Variants in TRIP13 observed in about 807,000 individuals in gnomAD.
The protein encoded by TRIP13 is pachytene checkpoint protein 2 homolog.
TRIP13 carries 25 observed loss-of-function variants against 54.4 expected under a neutral mutation model. That is an observed-to-expected ratio of 0.46 (90% confidence interval 0.33 to 0.64). The LOEUF is 0.64. Among genes scored for constraint, TRIP13 ranks in the 30% least tolerant of loss-of-function variants. The pLI, the probability that TRIP13 is intolerant of heterozygous loss-of-function variation, is 0.02. For missense variants in TRIP13, 373 were observed against 534.2 expected (o/e 0.70, Z 2.97); for synonymous variants, 207 against 207.8 (o/e 1.00, Z 0.03).
intron 5 of TRIP13, among the ~76,000 whole-genome samples, chr5:903,190 T>C (rs1345643284): frequency 6.6e-6 from 1 of 152,042 alleles, no homozygotes; most frequent in African/African-American, 2.4e-5. Context: ...TGTTTTTCCT[T>C]GACACTGACG....
At chr5:910,065 AG>A (rs1409164946) in intron 9 of TRIP13, among the ~76,000 whole-genome samples, 1 of 152,140 alleles carries the variant, frequency 6.6e-6, no homozygotes, top group Non-Finnish European at 1.5e-5. Context: ...CAGGTCCTGG[AG>A]GGGGGCCTCC....
Position 895,565 on chromosome 5 carries a change from T to A in TRIP13, c.258+613T>A, listed in dbSNP as rs534201795. Among the ~76,000 whole-genome samples the A allele has an allele frequency of 1.1e-4, 17 of 152,324 alleles. 1 individual carries two copies. The highest frequency in any genetic ancestry group is 1.0e-3 in the Admixed American group (16 of 15,304). ...GGACAGGCTTGGTACTAAGTTCTGC[T>A]CGTGAGGTGGACCTCCCCATTCATA... On this transcript the variant is annotated intron_variant, in intron 2 of 12. Transcript: ENST00000166345.
rs201469092 is a variant in TRIP13 at position 893,101 on chromosome 5, C to A, written c.92+11C>A. ...TCAGCGCGGCAGCAGGTGAGCCGGA[C>A]CTGTCCGACACATCCTCTGGGCACC... On this transcript the variant is annotated intron_variant, in intron 1 of 12. Transcript: ENST00000166345. The A allele has an allele frequency of 1.2e-4, 184 of 1,581,834 alleles. No individual in the cohort carries two copies. The highest frequency in any genetic ancestry group is 1.5e-4 in the Non-Finnish European group (177 of 1,170,588).
Position 915,539 on chromosome 5 carries a change from A to G in TRIP13, c.1134-365A>G, listed in dbSNP as rs914891443. ...GGTGATGCATTCCCTGAGCGCAAGG[A>G]TGCTGGCCCTGGGGCAGAGGCTCCC... On this transcript the variant is annotated intron_variant, in intron 11 of 12. Coordinates refer to ENST00000166345, the MANE Select transcript of TRIP13 (RefSeq NM_004237.4). The surrounding 1 kb of genome is among the most constrained non-coding windows in gnomAD (Gnocchi z 4.2). Among the ~76,000 whole-genome samples, 51 of 150,076 alleles carry G rather than the reference A, an allele frequency of 3.4e-4. No homozygotes were observed. The highest frequency in any genetic ancestry group is 1.2e-3 in the African/African-American group (50 of 40,592).
At chr5:904,074 G>A in intron 5 of TRIP13, 74 bp from the exon 6 acceptor site, 1 of 1,331,192 alleles carries the variant, frequency 7.5e-7, no homozygotes, top group Non-Finnish European at 1.0e-6. Flanking sequence ...TATGGATAAT[G>A]GAAGTTACTG....
Position 908,324 on chromosome 5 carries a change from C to A in TRIP13, c.760-31C>A, listed in dbSNP as rs1754160525. ...CTGCCTGTGAAGTGCCAGGCCCTGTCCTTTTTGACCCCACTGCTCCCTCCC... is the reference window on the plus strand; with the variant it reads ...CTGCCTGTGAAGTGCCAGGCCCTGTACTTTTTGACCCCACTGCTCCCTCCC... On this transcript the variant is annotated intron_variant, in intron 8 of 12. Transcript: ENST00000166345. This position sits in a 1 kb window ranked among gnomAD's most constrained non-coding sequence, Gnocchi z 5.2. 11 of 1,606,212 alleles carry A rather than the reference C, an allele frequency of 6.8e-6. No homozygotes were observed. The highest frequency in any genetic ancestry group is 9.3e-6 in the Non-Finnish European group (11 of 1,178,854).
downstream of TRIP13, chr5:918,238 C>A (rs1474423638): frequency 6.6e-6 from 1 of 152,188 alleles, no homozygotes; most frequent in African/African-American, 2.4e-5. This position sits in a 1 kb window ranked among gnomAD's most constrained non-coding sequence, Gnocchi z 4.3. Flanking sequence ...AAGGCCAAGG[C>A]ATATGCAGGT....
Position 907,879 on chromosome 5 carries a change from A to T in TRIP13, c.673-109A>T. On this transcript the variant is annotated intron_variant, in intron 7 of 12. Coordinates refer to ENST00000166345, the MANE Select transcript of TRIP13 (RefSeq NM_004237.4). This position sits in a 1 kb window ranked among gnomAD's most constrained non-coding sequence, Gnocchi z 4.1. ...GAGCTTTCTGAGGGGCCGTCAGGAGACAGTGGGCTTGTGGGGACAACTGGG... is the reference window on the plus strand; with the variant it reads ...GAGCTTTCTGAGGGGCCGTCAGGAGTCAGTGGGCTTGTGGGGACAACTGGG... 9.2e-7 allele frequency: 1 copy of T among 1,087,796 alleles called. No homozygotes were observed. Among genetic ancestry groups the T allele is most frequent in the Non-Finnish European group, 1.4e-6 (1 of 713,460 alleles). The allele number at this position is 1,087,796 out of a possible 1,614,324, so 67.4% of individuals were successfully genotyped here.
intron 11 of TRIP13, among the ~76,000 whole-genome samples, chr5:914,858 A>G (rs967036902): frequency 1.3e-5 from 2 of 152,132 alleles, no homozygotes; most frequent in South Asian, 2.1e-4. Context: ...CGACACTTAC[A>G]AGGATTCGCA....
chr5:900,814 G>A (rs1753969579), intron 4 of TRIP13, among the ~76,000 whole-genome samples: 1 of 152,146 alleles, frequency 6.6e-6, no homozygotes, highest in South Asian at 2.1e-4. Context: ...GAGGAGGGAA[G>A]GTGAGCAAGC....
intron 12 of TRIP13, among the ~76,000 whole-genome samples, chr5:916,686 G>C (rs1037930244): frequency 6.6e-6 from 1 of 152,150 alleles, no homozygotes; most frequent in African/African-American, 2.4e-5. Context: ...GGCCCTCCAG[G>C]GTCTGCTCCC....
chr5:907,273 A>T lies in TRIP13; in HGVS notation c.672+80A>T. 2.4e-6 allele frequency: 3 copies of T among 1,249,926 alleles called. No homozygotes were observed. Among genetic ancestry groups the T allele is most frequent in the Non-Finnish European group, 3.5e-6 (3 of 865,484 alleles). 77.4% of individuals were successfully genotyped at this position (1,249,926 alleles called of 1,614,324 possible). A position where few individuals can be genotyped will look rare whatever the true frequency, so the allele number is the denominator to read the frequency against. On this transcript the variant is annotated intron_variant, in intron 7 of 12. Transcript: ENST00000166345. The surrounding 1 kb of genome is among the most constrained non-coding windows in gnomAD (Gnocchi z 4.1). ...TTGTATGTTAGGCAAATCCTCCTCC[A>T]GAAGCTTCAGGAGAGAACTGGGTGG... is the stretch of plus-strand genomic sequence containing the variant.
In TRIP13 at chr5:908,187, A is replaced by G. The variant is rs1250119128; in HGVS notation, c.759+113A>G. The G allele has an allele frequency of 7.1e-6, 10 of 1,413,008 alleles. No individual in the cohort carries two copies. The highest frequency in any genetic ancestry group is 5.2e-5 in the Admixed American group (3 of 58,120). The allele number at this position is 1,413,008 out of a possible 1,614,324, so 87.5% of individuals were successfully genotyped here. On this transcript the variant is annotated intron_variant, in intron 8 of 12. Transcript: ENST00000166345. The surrounding 1 kb of genome is among the most constrained non-coding windows in gnomAD (Gnocchi z 5.2). Reference sequence around the variant, plus strand: ...CCCTCCTACAGCCGGGCTGCCCTCTATCCCTCCCTGCACTGTGCGCCTTTC... The same window carrying G: ...CCCTCCTACAGCCGGGCTGCCCTCTGTCCCTCCCTGCACTGTGCGCCTTTC...
chr5:917,323 C>T lies in TRIP13; in HGVS notation c.*220C>T, dbSNP rs539963371. 8.2e-6 allele frequency: 4 copies of T among 486,814 alleles called. No individual in the cohort carries two copies. Among genetic ancestry groups the T allele is most frequent in the African/African-American group, 6.0e-5 (3 of 50,420 alleles). The allele number at this position is 486,814 out of a possible 1,614,324, so 30.2% of individuals were successfully genotyped here. A position where few individuals can be genotyped will look rare whatever the true frequency, so the allele number is the denominator to read the frequency against. On this transcript the variant is annotated 3_prime_UTR_variant, in exon 13 of 13. Transcript: ENST00000166345. ...AGAGACAAACATCTTGTCATTTTCACTGTTTGTAAAAGATAATTCAGATTG... is the reference window on the plus strand; with the variant it reads ...AGAGACAAACATCTTGTCATTTTCATTGTTTGTAAAAGATAATTCAGATTG...
At chr5:900,290 G>A (rs1387817231) in intron 3 of TRIP13, among the ~76,000 whole-genome samples, 1 of 152,150 alleles carries the variant, frequency 6.6e-6, no homozygotes, top group African/African-American at 2.4e-5. Flanking sequence ...CATGTGACTG[G>A]CATTTATTTT....
chr5:905,085 T>G (rs541940775), intron 6 of TRIP13, among the ~76,000 whole-genome samples: 2 of 152,328 alleles, frequency 1.3e-5, no homozygotes, highest in East Asian at 3.9e-4. Context: ...GAGTGTTAGA[T>G]TTTGTTCCGT....
intron 4 of TRIP13, 62 bp downstream of exon 4, chr5:900,611 G>T: frequency 6.3e-7 from 1 of 1,578,208 alleles, no homozygotes. Flanking sequence ...TTACTGTTTT[G>T]CTCTCCAACA....
chr5:903,716 C>G (rs1164197010), intron 5 of TRIP13, among the ~76,000 whole-genome samples: 1 of 152,022 alleles, frequency 6.6e-6, no homozygotes, highest in Admixed American at 6.5e-5. Flanking sequence ...TAACACATGA[C>G]CCCTCCACCT....
At chr5:901,134 G>A (rs1380399853) in intron 4 of TRIP13, among the ~76,000 whole-genome samples, 1 of 152,164 alleles carries the variant, frequency 6.6e-6, no homozygotes, top group African/African-American at 2.4e-5. Flanking sequence ...ATTTATAATA[G>A]TAATAGCCAG....
Sources: allele counts gnomAD v4.1 joint callset (sites outside exome capture counted in the v4.1 genomes callset), GRCh38; gene constraint gnomAD v4.1.1; non-coding constraint Gnocchi (gnomAD v3.1); transcripts MANE v1.5; gene names NCBI Gene and HGNC (gene_info 2026-07-23, HGNC 2026-07-21).